PTPN13: variants seen among roughly 807,000 people sequenced by gnomAD.
The protein encoded by PTPN13 is tyrosine-protein phosphatase non-receptor type 13.
In PTPN13, 191 loss-of-function variants were observed where a neutral mutation model predicts 284.0. That is an observed-to-expected ratio of 0.67 (90% CI 0.60 to 0.76). PTPN13 has a LOEUF of 0.76. Ranked by LOEUF, PTPN13 falls within the 30% of genes least tolerant of loss-of-function variation. The pLI, the probability that PTPN13 is intolerant of heterozygous loss-of-function variation, is 0.00. For synonymous variants in PTPN13, 986 were observed against 1,022.3 expected, an observed-to-expected ratio of 0.96 and a Z score of 0.68; for missense variants, 2,797 against 2,939.9, an observed-to-expected ratio of 0.95 and a Z score of 1.12.
At chr4:86,596,606 A>G (rs1325499255) in intron 1 of PTPN13, among the ~76,000 whole-genome samples, 1 of 152,218 alleles carries the variant, frequency 6.6e-6, no homozygotes, top group East Asian at 1.9e-4. Context: ...TCTTTAAATG[A>G]ATGAAATTTA....
intron 1 of PTPN13, among the ~76,000 whole-genome samples, chr4:86,628,659 G>C (rs868024435): frequency 2.4e-5 from 2 of 84,446 alleles, no homozygotes; most frequent in Non-Finnish European, 4.6e-5. Context: ...CCCCTCCCCC[G>C]ACCCCACCAC....
At chr4:86,805,697 G>T (rs1214139276) in intron 44 of PTPN13, among the ~76,000 whole-genome samples, 1 of 152,048 alleles carries the variant, frequency 6.6e-6, no homozygotes, top group African/African-American at 2.4e-5. Context: ...TTCTGGATGA[G>T]GATTTTCTTG....
At position 86,689,204 on chromosome 4, in the gene PTPN13, A is replaced by G; in HGVS notation, c.546+14A>G. On this transcript the variant is annotated intron_variant, in intron 5 of 47. Coordinates refer to ENST00000411767, the MANE Select transcript of PTPN13 (RefSeq NM_080683.3). Reference sequence around the variant, plus strand: ...AATCTTTCTGGGGTAAGCTACAGTTACAATAGTAAATATAGTCATATTTTA... The same window carrying G: ...AATCTTTCTGGGGTAAGCTACAGTTGCAATAGTAAATATAGTCATATTTTA... 1 of 1,599,704 alleles carries G rather than the reference A, an allele frequency of 6.3e-7. No individual in the cohort carries two copies. Among genetic ancestry groups the G allele is most frequent in the Admixed American group, 1.7e-5 (1 of 59,908 alleles).
intron 2 of PTPN13, among the ~76,000 whole-genome samples, chr4:86,666,807 A>T (rs1012056200): frequency 2.0e-5 from 3 of 152,144 alleles, no homozygotes; most frequent in Non-Finnish European, 4.4e-5. Flanking sequence ...TAATCTTATT[A>T]TGCAAATGGA....
At chr4:86,795,445 T>C (rs868199420) in intron 40 of PTPN13, among the ~76,000 whole-genome samples, 8 of 152,044 alleles carry the variant, frequency 5.3e-5, no homozygotes, top group Middle Eastern at 6.8e-3. Flanking sequence ...TTGGTGGGAG[T>C]GTAAAGTAGT....
chr4:86,709,058 T>TA (rs963991896), intron 7 of PTPN13, among the ~76,000 whole-genome samples: 2 of 151,054 alleles, frequency 1.3e-5, no homozygotes, highest in African/African-American at 4.9e-5. Flanking sequence ...AAGAAATACA[T>TA]ACACACACAC....
At chr4:86,782,303 T>A in intron 37 of PTPN13, 41 bp downstream of exon 37, 1 of 1,480,602 alleles carries the variant, frequency 6.8e-7, no homozygotes, top group Non-Finnish European at 9.4e-7. Context: ...TACCTCCTTA[T>A]CTGAGGAACT....
At chr4:86,799,272 C>A in intron 42 of PTPN13, 68 bp downstream of exon 42, 8 of 931,678 alleles carry the variant, frequency 8.6e-6, no homozygotes, top group Non-Finnish European at 1.3e-5. Flanking sequence ...AAGTGATTTT[C>A]AGACTATATG....
At chr4:86,758,624 T>C in intron 21 of PTPN13, 54 bp from the exon 22 acceptor site, 1 of 1,432,208 alleles carries the variant, frequency 7.0e-7, no homozygotes, top group Non-Finnish European at 9.8e-7. Flanking sequence ...AGGCTAATCA[T>C]TAGTCTTTGA....
At chr4:86,654,661 C>G (rs1027641164) in intron 2 of PTPN13, among the ~76,000 whole-genome samples, 2 of 152,124 alleles carry the variant, frequency 1.3e-5, no homozygotes, top group Admixed American at 6.6e-5. Flanking sequence ...TTACTTCCAA[C>G]TATGTGGTCA....
intron 44 of PTPN13, among the ~76,000 whole-genome samples, chr4:86,805,885 G>A (rs1292423233): frequency 1.3e-5 from 2 of 152,216 alleles, no homozygotes; most frequent in Admixed American, 1.3e-4. Context: ...GCCCGGTGCA[G>A]TGGCTCACAC....
intron 35 of PTPN13, among the ~76,000 whole-genome samples, chr4:86,777,191 C>G (rs1740756282): frequency 6.6e-6 from 1 of 152,136 alleles, no homozygotes; most frequent in East Asian, 1.9e-4. Flanking sequence ...TTCTGAAGGT[C>G]TGAAATACAA....
chr4:86,795,298 T>C (rs1743205705), intron 40 of PTPN13, among the ~76,000 whole-genome samples: 1 of 152,238 alleles, frequency 6.6e-6, no homozygotes, highest in South Asian at 2.1e-4. Context: ...ATGCTCATCA[T>C]CACTGGTCAT....
In PTPN13 at chr4:86,809,851, T is replaced by C; in HGVS notation, c.7166T>C (p.Leu2389Pro). 6.2e-7 allele frequency: 1 copy of C among 1,614,032 alleles called. No individual in the cohort carries two copies. Among genetic ancestry groups the C allele is most frequent in the South Asian group, 1.1e-5 (1 of 91,088 alleles). ...HDTPSQPDDL[L>P]TFISYMRHIH... ...ACACCTTCTCAACCAGATGATCTGC[T>C]TACTTTTATCTCCTACATGAGACAC... The change falls in exon 46 of 48, where the codon CTT becomes CCT. Residue 2389 changes from leucine to proline, a missense_variant. Coordinates refer to ENST00000411767, the MANE Select transcript of PTPN13 (RefSeq NM_080683.3).
intron 2 of PTPN13, among the ~76,000 whole-genome samples, chr4:86,638,624 A>G (rs1332195164): frequency 2.0e-5 from 3 of 152,240 alleles, no homozygotes; most frequent in East Asian, 3.8e-4. Flanking sequence ...CTGGCTAGCC[A>G]TATGTAGAAA....
intron 10 of PTPN13, among the ~76,000 whole-genome samples, chr4:86,723,683 A>G (rs934501466): frequency 6.6e-6 from 1 of 152,184 alleles, no homozygotes; most frequent in Non-Finnish European, 1.5e-5. Context: ...TTTGCTTCCT[A>G]TGATCGTGCC....
rs181858926 is a variant in PTPN13, at chr4:86,718,783, T to C, written c.1385+1666T>C. Among the ~76,000 whole-genome samples, 602 of 152,286 alleles carry C rather than the reference T, an allele frequency of 4.0e-3. 16 individuals are homozygous for C. Among genetic ancestry groups the C allele is most frequent in the East Asian group, 2.1e-3 (11 of 5,188 alleles). On this transcript the variant is annotated intron_variant, in intron 9 of 47. Transcript: ENST00000411767. ...CCACTTTTAATTAAAGTTGTTTCTT[T>C]TGTTTTTTGTACTTTTTAAAATAGT...
intron 2 of PTPN13, among the ~76,000 whole-genome samples, chr4:86,646,181 G>GA (rs890542115): frequency 1.5e-5 from 2 of 129,048 alleles, no homozygotes; most frequent in African/African-American, 2.9e-5. Context: ...ATCCATAAAA[G>GA]AAAAAAAAAG....
In PTPN13 at chr4:86,689,061, T is replaced by C; in HGVS notation, c.417T>C (p.Val139=). 6.3e-7 allele frequency: 1 copy of C among 1,590,650 alleles called. No homozygotes were observed. Among genetic ancestry groups the C allele is most frequent in the Non-Finnish European group, 8.6e-7 (1 of 1,158,628 alleles). The part of the protein sequence containing the change: ...NSILLGMCED[V]IYARVSVRTV... Reference sequence around the variant, plus strand: ...TACTGCTTGGAATGTGTGAGGATGTTATTTACGCTCGAGTTTCTGTTCGGA... The same window carrying C: ...TACTGCTTGGAATGTGTGAGGATGTCATTTACGCTCGAGTTTCTGTTCGGA... The change falls in exon 5 of 48, where the codon GTT becomes GTC. Residue 139 remains valine, a synonymous_variant. Coordinates refer to ENST00000411767, the MANE Select transcript of PTPN13 (RefSeq NM_080683.3).
Sources: gnomAD v4.1 joint callset for allele counts (sites outside exome capture counted in the v4.1 genomes callset) on GRCh38, gnomAD v4.1.1 for gene constraint, MANE v1.5 for transcripts, NCBI Gene and HGNC (gene_info 2026-07-23, HGNC 2026-07-21) for gene names.